NINJ1: variants seen among roughly 807,000 people sequenced by gnomAD.
The protein encoded by NINJ1 is ninjurin-1.
In NINJ1, 6 loss-of-function variants were observed where a neutral mutation model predicts 12.7. The observed-to-expected ratio is 0.47, with a 90% CI of 0.26 to 0.93. The LOEUF (loss-of-function observed/expected upper bound fraction) is 0.93, where lower values mean the gene tolerates loss of function less well. Among genes scored for constraint, NINJ1 ranks in the 40% least tolerant of loss-of-function variants. The pLI, the probability that NINJ1 is intolerant of heterozygous loss-of-function variation, is 0.15. For synonymous variants in NINJ1, 100 were observed against 96.0 expected, an observed-to-expected ratio of 1.04 and a Z score of -0.25; for missense variants, 170 against 213.0, an observed-to-expected ratio of 0.80 and a Z score of 1.26.
rs754291134 is a variant in NINJ1 at position 93,126,491 on chromosome 9, C to A, written c.223G>T (p.Ala75Ser). 6.2e-7 allele frequency: 1 copy of A among 1,614,200 alleles called. No individual in the cohort carries two copies. The highest frequency in any genetic ancestry group is 8.5e-7 in the Non-Finnish European group (1 of 1,180,036). ...KAVVEQGPSF[A>S]FYVPLVVLIS... ...AGGACCACCAGGGGCACATAGAAGG[C>A]GAAGCTGGGGCCCTGTTCCACGACG... is the stretch of plus-strand genomic sequence containing the variant. Residue 75 changes from alanine (A) to serine (S), a missense_variant, in exon 2 of 4, where the codon GCC becomes TCC. Physicochemically the swap from Ala to Ser is moderately conservative, Grantham distance 99. Transcript: ENST00000375446.
chr9:93,133,684 T>C (rs1194142701), intron 1 of NINJ1, among the ~76,000 whole-genome samples: 1 of 152,224 alleles, frequency 6.6e-6, no homozygotes, highest in Non-Finnish European at 1.5e-5. Flanking sequence ...CGTAACTGTC[T>C]GCATGCAGCT....
chr9:93,133,287 C>T lies in NINJ1; in HGVS notation c.75+856G>A, dbSNP rs540369940. ...GTGGGCAGAGTGTCTTTGCCCCAGT[C>T]TGGTCCACGCCATGGAGAGGCCTGG... is the stretch of plus-strand genomic sequence containing the variant. On this transcript the variant is annotated intron_variant, in intron 1 of 3. Transcript: ENST00000375446. Among the ~76,000 whole-genome samples, 13 of 152,360 alleles carry T rather than the reference C, an allele frequency of 8.5e-5. No homozygotes were observed. In the South Asian group the frequency reaches 2.3e-3, roughly 27 times the overall value.
At position 93,134,126 on chromosome 9, in the gene NINJ1, T is replaced by G. The variant is rs374989028; in HGVS notation, c.75+17A>C. ...AGGGCCTGGCAAGATCATGCAGCGG[T>G]GGGGGGAAGGTCTTACCGAGGCGTC... On this transcript the variant is annotated intron_variant, in intron 1 of 3. Transcript: ENST00000375446. The G allele has an allele frequency of 2.0e-3, 3,063 of 1,536,828 alleles. 43 individuals are homozygous for G. In the African/African-American group the frequency reaches 0.035, roughly 17 times the overall value.
At chr9:93,124,116 G>T (rs540244244) in intron 3 of NINJ1, among the ~76,000 whole-genome samples, 6 of 152,232 alleles carry the variant, frequency 3.9e-5, no homozygotes, top group Non-Finnish European at 8.8e-5. Flanking sequence ...GAATCCCACC[G>T]TCCTGGTCAG....
chr9:93,125,006 G>A lies in NINJ1; in HGVS notation c.361C>T (p.Leu121=). 6.2e-7 allele frequency: 1 copy of A among 1,614,050 alleles called. No individual in the cohort carries two copies. The highest frequency in any genetic ancestry group is 8.5e-7 in the Non-Finnish European group (1 of 1,179,944). ...ATGATGAACACCAGGCCCGTGGCCA[G>A]GTTGTTGAGGAAGTCCAGCTTGGCG... ...KHAKLDFLNN[L]ATGLVFIIVV... The change falls in exon 3 of 4, where the codon CTG becomes TTG. Residue 121 remains leucine, a synonymous_variant. Coordinates refer to ENST00000375446, the MANE Select transcript of NINJ1 (RefSeq NM_004148.4).
chr9:93,134,120 C>A, intron 1 of NINJ1, 23 bp downstream of exon 1: 3 of 1,530,186 alleles, frequency 2.0e-6, no homozygotes, highest in Non-Finnish European at 2.6e-6. Context: ...CAAGATCATG[C>A]AGCGGTGGGG....
In NINJ1 at chr9:93,128,759, C is replaced by T. The variant is rs567506405; in HGVS notation, c.76-2121G>A. 1.4e-4 allele frequency among the ~76,000 whole-genome samples: 21 copies of T among 152,078 alleles called. No individual in the cohort carries two copies. In the South Asian group the frequency reaches 3.7e-3, roughly 27 times the overall value. On this transcript the variant is annotated intron_variant, in intron 1 of 3. Coordinates refer to ENST00000375446, the MANE Select transcript of NINJ1 (RefSeq NM_004148.4). ...AGTGCAGACCCCGTGAGGATTTCCA[C>T]CTTCTGGGGGCATCTACACATATAT...
At chr9:93,129,351 C>G (rs1159034704) in intron 1 of NINJ1, among the ~76,000 whole-genome samples, 2 of 152,242 alleles carry the variant, frequency 1.3e-5, no homozygotes, top group Non-Finnish European at 2.9e-5. Flanking sequence ...CACTTTGTGC[C>G]TCAGTCTTCC....
intron 1 of NINJ1, among the ~76,000 whole-genome samples, chr9:93,129,117 G>C (rs540288982): frequency 6.6e-6 from 1 of 152,174 alleles, no homozygotes; most frequent in South Asian, 2.1e-4. Context: ...CAGCCACGAG[G>C]AGCCTGTGCC....
At chr9:93,130,757 A>G (rs1363247658) in intron 1 of NINJ1, among the ~76,000 whole-genome samples, 1 of 152,162 alleles carries the variant, frequency 6.6e-6, no homozygotes, top group Non-Finnish European at 1.5e-5. Flanking sequence ...CTCCCCGACC[A>G]ACTCCACTGA....
intron 1 of NINJ1, 25 bp downstream of exon 1, chr9:93,134,118 T>C (rs1041619607): frequency 2.0e-6 from 3 of 1,526,980 alleles, no homozygotes; most frequent in Non-Finnish European, 2.7e-6. Flanking sequence ...GGCAAGATCA[T>C]GCAGCGGTGG....
At chr9:93,132,731 G>A (rs1407270845) in intron 1 of NINJ1, among the ~76,000 whole-genome samples, 1 of 152,186 alleles carries the variant, frequency 6.6e-6, no homozygotes, top group Non-Finnish European at 1.5e-5. Context: ...CAGTGATCCG[G>A]GAACAAATCC....
chr9:93,132,549 C>T (rs1366160039), intron 1 of NINJ1, among the ~76,000 whole-genome samples: 1 of 152,252 alleles, frequency 6.6e-6, no homozygotes, highest in Non-Finnish European at 1.5e-5. Context: ...CCCACCTCCA[C>T]AGAAAGCCTT....
intron 1 of NINJ1, among the ~76,000 whole-genome samples, chr9:93,127,942 A>G (rs562986611): frequency 3.9e-5 from 6 of 152,376 alleles, no homozygotes; most frequent in Non-Finnish European, 7.3e-5. Flanking sequence ...GAGGCAGCCA[A>G]TACAGAACCA....
intron 3 of NINJ1, 33 bp downstream of exon 3, chr9:93,124,866 A>G: frequency 1.3e-6 from 2 of 1,570,726 alleles, no homozygotes; most frequent in Non-Finnish European, 1.7e-6. Flanking sequence ...CAACCCCAGG[A>G]CTGCAGGCCT....
chr9:93,125,126 C>T, intron 2 of NINJ1, 64 bp from the exon 3 acceptor site: 1 of 1,520,976 alleles, frequency 6.6e-7, no homozygotes, highest in East Asian at 2.3e-5. Flanking sequence ...CAGCCTGGGA[C>T]AGTGGAAGGG....
chr9:93,127,069 G>A (rs1202398870), intron 1 of NINJ1, among the ~76,000 whole-genome samples: 1 of 152,042 alleles, frequency 6.6e-6, no homozygotes, highest in African/African-American at 2.4e-5. Context: ...TGTGCACACC[G>A]GCCCAGGCAA....
At chr9:93,126,978 G>GC (rs1827823797) in intron 1 of NINJ1, among the ~76,000 whole-genome samples, 1 of 151,870 alleles carries the variant, frequency 6.6e-6, no homozygotes, top group African/African-American at 2.4e-5. Flanking sequence ...ACCGGTCTGT[G>GC]CCCCCGGCCT....
chr9:93,134,143 C>T lies in NINJ1; in HGVS notation c.75G>A (p.Ser25=), dbSNP rs1220458426. The T allele has an allele frequency of 2.6e-6, 4 of 1,555,002 alleles. No homozygotes were observed. The highest frequency in any genetic ancestry group is 2.4e-5 in the East Asian group (1 of 41,834). ...TGCAGCGGTGGGGGGAAGGTCTTAC[C>T]GAGGCGTCCGGGGAGCCGGGTGTGC... ...PPGTPGSPDA[S]PARWGWRHGP... The change falls in exon 1 of 4, where the codon TCG becomes TCA. Residue 25 remains serine, a splice_region_variant and synonymous_variant. Transcript: ENST00000375446.
Sources: allele counts gnomAD v4.1 joint callset (sites outside exome capture counted in the v4.1 genomes callset), GRCh38; gene constraint gnomAD v4.1.1; transcripts MANE v1.5; gene names NCBI Gene and HGNC (gene_info 2026-07-23, HGNC 2026-07-21).